Variants in NRXN1 observed in about 807,000 individuals in gnomAD.
NRXN1 encodes neurexin 1.
In NRXN1, 39 loss-of-function variants were observed where a neutral mutation model predicts 150.9. The observed-to-expected ratio is 0.26, with a 90% CI of 0.20 to 0.34. The LOEUF (loss-of-function observed/expected upper bound fraction) is 0.34, where lower values mean the gene tolerates loss of function less well. Among genes scored for constraint, NRXN1 ranks in the 10% least tolerant of loss-of-function variants. The pLI is 1.00. For missense variants in NRXN1, 1,815 were observed against 1,949.9 expected (o/e 0.93, Z 1.30); for synonymous variants, 924 against 757.0 (o/e 1.22, Z -3.62).
intron 16 of NRXN1, among the ~76,000 whole-genome samples, chr2:50,465,920 T>C (rs1474096231): frequency 6.6e-6 from 1 of 151,784 alleles, no homozygotes; most frequent in Non-Finnish European, 1.5e-5. Context: ...TTCTGACCAA[T>C]GAATAGAGAC....
At chr2:50,340,945 G>A (rs1005281464) in intron 17 of NRXN1, among the ~76,000 whole-genome samples, 16 of 152,148 alleles carry the variant, frequency 1.1e-4, no homozygotes, top group African/African-American at 3.4e-4. Context: ...AAGTTTGGTT[G>A]CTCTATTCTC....
At chr2:50,353,353 T>A (rs1021807314) in intron 17 of NRXN1, among the ~76,000 whole-genome samples, 3 of 152,132 alleles carry the variant, frequency 2.0e-5, no homozygotes, top group African/African-American at 7.2e-5. Context: ...TGTCAGCTTA[T>A]ATAGTTTGTA....
chr2:50,594,931 C>A (rs925425791), intron 8 of NRXN1, among the ~76,000 whole-genome samples: 1 of 151,406 alleles, frequency 6.6e-6, no homozygotes, highest in Non-Finnish European at 1.5e-5. Context: ...CATATTGTGT[C>A]TTTTGTCCAC....
chr2:50,360,517 G>A (rs997048852), intron 17 of NRXN1, among the ~76,000 whole-genome samples: 3 of 152,038 alleles, frequency 2.0e-5, no homozygotes, highest in Non-Finnish European at 2.9e-5. Flanking sequence ...AGAGAAAGAG[G>A]GGCATTACGT....
chr2:50,476,007 T>G (rs547426419), intron 15 of NRXN1, among the ~76,000 whole-genome samples: 1 of 152,230 alleles, frequency 6.6e-6, no homozygotes, highest in South Asian at 2.1e-4. Flanking sequence ...CCAACTTTCC[T>G]GTAGATATGA....
chr2:50,056,755 G>C (rs1454536361), intron 19 of NRXN1, among the ~76,000 whole-genome samples: 1 of 152,032 alleles, frequency 6.6e-6, no homozygotes, highest in Non-Finnish European at 1.5e-5. Flanking sequence ...TGGCTTATAA[G>C]TGATTTTATA....
At chr2:50,513,090 A>C (rs1488952580) in intron 12 of NRXN1, among the ~76,000 whole-genome samples, 2 of 152,160 alleles carry the variant, frequency 1.3e-5, no homozygotes, top group South Asian at 2.1e-4. Context: ...ATCATCTATA[A>C]ATGTGAGATA....
intron 2 of NRXN1, among the ~76,000 whole-genome samples, chr2:51,016,637 C>T (rs543570971): frequency 7.2e-5 from 11 of 152,202 alleles, no homozygotes; most frequent in East Asian, 3.9e-4. Flanking sequence ...GAAAAAGAAA[C>T]GCTTTTACAC....
intron 5 of NRXN1, among the ~76,000 whole-genome samples, chr2:50,779,319 G>C (rs1475773185): frequency 1.3e-5 from 2 of 152,122 alleles, no homozygotes; most frequent in African/African-American, 4.8e-5. Context: ...TGGTTTTTCA[G>C]TTTAATCCAT....
In NRXN1 at chr2:50,852,573, T is replaced by C. The variant is rs151105953; in HGVS notation, c.832+69296A>G. 4.0e-3 allele frequency among the ~76,000 whole-genome samples: 609 copies of C among 152,262 alleles called. 5 individuals carry two copies. The highest frequency in any genetic ancestry group is 3.5e-3 in the Non-Finnish European group (235 of 68,002). Reference sequence around the variant, plus strand: ...CAACTGAATTACTCTGAATTCTGTTTTACTGCTTAAGAAGGATGGTTATAT... The same window carrying C: ...CAACTGAATTACTCTGAATTCTGTTCTACTGCTTAAGAAGGATGGTTATAT... On this transcript the variant is annotated intron_variant, in intron 5 of 22. Coordinates refer to ENST00000401669, the MANE Select transcript of NRXN1 (RefSeq NM_001330078.2).
chr2:50,732,256 G>T (rs1698191595), intron 5 of NRXN1, among the ~76,000 whole-genome samples: 1 of 152,124 alleles, frequency 6.6e-6, no homozygotes, highest in African/African-American at 2.4e-5. Flanking sequence ...TAAGTAAAAA[G>T]GAAAGAAGTC....
chr2:50,839,884 T>C (rs1672630636), intron 5 of NRXN1, among the ~76,000 whole-genome samples: 1 of 152,092 alleles, frequency 6.6e-6, no homozygotes, highest in Non-Finnish European at 1.5e-5. Flanking sequence ...TGTTGCTATT[T>C]TAAGTAGGGT....
Position 50,987,337 on chromosome 2 carries a change from T to C in NRXN1, c.772+40165A>G, listed in dbSNP as rs1697882135. The stretch of plus-strand genomic sequence containing the variant: ...ACAAATCTGGATGATGTTGAAGCCA[T>C]GGTCCTCATTTTCTTCTTCTAGATA... On this transcript the variant is annotated intron_variant, in intron 2 of 22. Coordinates refer to ENST00000401669, the MANE Select transcript of NRXN1 (RefSeq NM_001330078.2). 6.6e-5 allele frequency among the ~76,000 whole-genome samples: 10 copies of C among 151,928 alleles called. No individual in the cohort carries two copies. The South Asian group carries it at 2.1e-3, about 31-fold the overall frequency.
At chr2:50,734,395 GGC>G (rs1299011681) in intron 5 of NRXN1, among the ~76,000 whole-genome samples, 1 of 152,034 alleles carries the variant, frequency 6.6e-6, no homozygotes, top group East Asian at 1.9e-4. Flanking sequence ...GAAAAACAAG[GGC>G]AGGTCATCAT....
intron 17 of NRXN1, among the ~76,000 whole-genome samples, chr2:50,434,238 T>TC (rs919646170): frequency 6.6e-5 from 10 of 151,376 alleles, no homozygotes; most frequent in African/African-American, 2.4e-4. Flanking sequence ...TTTTTGTATT[T>TC]TTTGTTGTTG....
At chr2:50,124,620 C>G (rs1242186214) in intron 18 of NRXN1, among the ~76,000 whole-genome samples, 1 of 152,092 alleles carries the variant, frequency 6.6e-6, no homozygotes, top group East Asian at 1.9e-4. Context: ...TTGTGCCCTG[C>G]TGTGCTCAGT....
At chr2:50,944,589 A>C (rs181307587) in intron 2 of NRXN1, among the ~76,000 whole-genome samples, 1 of 152,186 alleles carries the variant, frequency 6.6e-6, no homozygotes, top group African/African-American at 2.4e-5. Context: ...AAATCTTAAC[A>C]TATTTACCAA....
At chr2:50,667,542 A>G (rs1310834846) in intron 5 of NRXN1, among the ~76,000 whole-genome samples, 1 of 152,010 alleles carries the variant, frequency 6.6e-6, no homozygotes, top group African/African-American at 2.4e-5. Flanking sequence ...CCAGGATAGA[A>G]TGTAATATAA....
At chr2:50,933,968 T>G (rs1688150552) in intron 2 of NRXN1, among the ~76,000 whole-genome samples, 1 of 152,144 alleles carries the variant, frequency 6.6e-6, no homozygotes. Context: ...TTTCTATGAC[T>G]ACCGGCAAGT....
Sources: gnomAD v4.1 joint callset for allele counts (sites outside exome capture counted in the v4.1 genomes callset) on GRCh38, gnomAD v4.1.1 for gene constraint, MANE v1.5 for transcripts, NCBI Gene and HGNC (gene_info 2026-07-23, HGNC 2026-07-21) for gene names.